The following ADGRV1 variants were observed in gnomAD, a reference collection of about 807,000 sequenced individuals.
The protein encoded by ADGRV1 is adhesion G protein-coupled receptor V1.
ADGRV1 carries 359 observed loss-of-function variants against 596.2 expected under a neutral mutation model. The observed-to-expected ratio is 0.60, with a 90% CI of 0.55 to 0.66. The LOEUF is 0.66. Ranked by LOEUF, ADGRV1 falls within the 30% of genes least tolerant of loss-of-function variation. The pLI is 0.00. For synonymous variants in ADGRV1, 2,681 were observed against 2,679.2 expected (o/e 1.00, Z -0.02); for missense variants, 7,274 against 7,575.6 (o/e 0.96, Z 1.48).
In ADGRV1 at chr5:90,653,531, G is replaced by A. The variant is rs749065991; in HGVS notation, c.3957G>A (p.Arg1319=). The change falls in exon 20 of 90, where the codon CGG becomes CGA. Residue 1319 remains arginine (R), a synonymous_variant. Coordinates refer to ENST00000405460, the MANE Select transcript of ADGRV1 (RefSeq NM_032119.4). ...CCGTGCATTTACAACAGCACATGCGGCGTCACCACAGTGGAACGGATGCTT... is the reference window on the plus strand; with the variant it reads ...CCGTGCATTTACAACAGCACATGCGACGTCACCACAGTGGAACGGATGCTT... ...PTTVHLQQHM[R]RHHSGTDALY... 1.9e-6 allele frequency: 3 copies of A among 1,613,924 alleles called. No individual in the cohort carries two copies. Among genetic ancestry groups the A allele is most frequent in the Non-Finnish European group, 2.5e-6 (3 of 1,179,862 alleles).
Position 90,705,450 on chromosome 5 carries a change from G to T in ADGRV1, c.8437G>T (p.Val2813Phe), listed in dbSNP as rs781528489. Residue 2813 changes from valine (V) to phenylalanine (F), a missense_variant, in exon 37 of 90, where the codon GTC (valine) becomes TTC (phenylalanine). Physicochemically the swap from Val to Phe is conservative, Grantham distance 50. This residue lies in a region of ADGRV1 where 3,643 missense variants were observed against 3,809.2 expected (regional missense o/e 0.96). Coordinates refer to ENST00000405460, the MANE Select transcript of ADGRV1 (RefSeq NM_032119.4). ...ALLDAQGYAA[V>F]LTVEASDEPH... is the part of the protein sequence containing the mutation. ...GCTTGATGCTCAAGGATATGCAGCT[G>T]TCCTCACAGTAGAAGCCAGTGATGA... is the stretch of plus-strand genomic sequence containing the variant. The T allele has an allele frequency of 1.5e-5, 25 of 1,613,814 alleles. No homozygotes were observed. The highest frequency in any genetic ancestry group is 2.1e-5 in the Non-Finnish European group (25 of 1,179,844).
intron 83 of ADGRV1, among the ~76,000 whole-genome samples, chr5:90,897,179 G>A (rs1581448193): frequency 6.6e-6 from 1 of 152,174 alleles, no homozygotes; most frequent in African/African-American, 2.4e-5. Flanking sequence ...ACAAAGTTTA[G>A]CACATTGAAT....
At chr5:90,595,881 G>A (rs1183793464) in intron 1 of ADGRV1, among the ~76,000 whole-genome samples, 3 of 150,156 alleles carry the variant, frequency 2.0e-5, no homozygotes, top group East Asian at 2.0e-4. Context: ...CTGGCCTGGC[G>A]GGGGGCTGAC....
At chr5:90,671,991 A>G (rs180834576) in intron 21 of ADGRV1, among the ~76,000 whole-genome samples, 199 of 152,296 alleles carry the variant, frequency 1.3e-3, no homozygotes, top group African/African-American at 4.3e-3. Context: ...CACACTAGGC[A>G]TCTCTCAAGG....
chr5:90,750,716 T>C lies in ADGRV1; in HGVS notation c.11121+19T>C. 1 of 1,596,396 alleles carries C rather than the reference T, an allele frequency of 6.3e-7. No individual in the cohort carries two copies. The highest frequency in any genetic ancestry group is 1.1e-5 in the South Asian group (1 of 90,068). ...AGGAGTGGTATGTAATTTACAAAGTTATAGGAAACACTTTTAAATTATGGT... is the reference window on the plus strand; with the variant it reads ...AGGAGTGGTATGTAATTTACAAAGTCATAGGAAACACTTTTAAATTATGGT... On this transcript the variant is annotated intron_variant, in intron 53 of 89. Coordinates refer to ENST00000405460, the MANE Select transcript of ADGRV1 (RefSeq NM_032119.4).
At chr5:90,849,916 A>G (rs1766312114) in intron 79 of ADGRV1, among the ~76,000 whole-genome samples, 1 of 152,236 alleles carries the variant, frequency 6.6e-6, no homozygotes, top group Non-Finnish European at 1.5e-5. Flanking sequence ...AATCCTTGCT[A>G]AAAGTTGTAC....
rs569603883 is a variant in ADGRV1, at chr5:90,668,465, C to A, written c.4753-4081C>A. 4.0e-3 allele frequency among the ~76,000 whole-genome samples: 602 copies of A among 152,156 alleles called. 5 individuals carry two copies. Among genetic ancestry groups the A allele is most frequent in the African/African-American group, 0.013 (544 of 41,472 alleles). Reference sequence around the variant, plus strand: ...AGTGAGGCAATGCCTCACCCTGCTTCGGCTCCCGCATGGTGCGCGCACCCA... The same window carrying A: ...AGTGAGGCAATGCCTCACCCTGCTTAGGCTCCCGCATGGTGCGCGCACCCA... On this transcript the variant is annotated intron_variant, in intron 21 of 89. Transcript: ENST00000405460.
intron 83 of ADGRV1, among the ~76,000 whole-genome samples, chr5:90,910,288 A>G (rs1191537821): frequency 6.6e-6 from 1 of 152,232 alleles, no homozygotes; most frequent in Non-Finnish European, 1.5e-5. Context: ...GTGGTATTTT[A>G]ATCAGATATA....
intron 20 of ADGRV1, chr5:90,655,474 C>G (rs188873225): frequency 1.3e-5 from 2 of 152,192 alleles, no homozygotes; most frequent in East Asian, 3.9e-4. Flanking sequence ...TCTGTTCTGC[C>G]TACTACATAT....
chr5:90,831,292 C>G (rs1764504252), intron 77 of ADGRV1, among the ~76,000 whole-genome samples: 1 of 151,838 alleles, frequency 6.6e-6, no homozygotes, highest in Admixed American at 6.6e-5. Context: ...CACACACACA[C>G]ACACACAAAA....
chr5:90,563,848 AT>A (rs1311361523), intron 1 of ADGRV1, among the ~76,000 whole-genome samples: 1 of 152,208 alleles, frequency 6.6e-6, no homozygotes, highest in Non-Finnish European at 1.5e-5. Context: ...AATTTTGACA[AT>A]TAGGTAGTAT....
intron 83 of ADGRV1, among the ~76,000 whole-genome samples, chr5:90,891,981 A>C (rs890421020): frequency 1.3e-5 from 2 of 152,006 alleles, no homozygotes. Flanking sequence ...AGTTCAGAGT[A>C]GAAAATGCAC....
At chr5:90,569,576 G>T (rs569244090) in intron 1 of ADGRV1, among the ~76,000 whole-genome samples, 4 of 150,342 alleles carry the variant, frequency 2.7e-5, no homozygotes, top group Admixed American at 2.6e-4. Flanking sequence ...GATAAGGTAG[G>T]ATTGATGTCT....
chr5:90,763,218 A>G (rs879521211), intron 58 of ADGRV1, 87 bp from the exon 59 acceptor site: 5 of 1,144,004 alleles, frequency 4.4e-6, no homozygotes, highest in Non-Finnish European at 5.8e-6. Flanking sequence ...AACTGCAGTC[A>G]TTGTAAACAG....
intron 84 of ADGRV1, among the ~76,000 whole-genome samples, chr5:90,966,634 C>T (rs1778499505): frequency 1.3e-5 from 2 of 151,478 alleles, no homozygotes; most frequent in Non-Finnish European, 1.5e-5. Context: ...GATTACTTGG[C>T]GAGAAGGTAC....
At chr5:90,665,984 T>C (rs2149509642) in intron 21 of ADGRV1, among the ~76,000 whole-genome samples, 1 of 151,176 alleles carries the variant, frequency 6.6e-6, no homozygotes, top group South Asian at 2.1e-4. Flanking sequence ...AGAGATAGTT[T>C]GTTATAATCT....
At chr5:91,124,968 A>T (rs1051031685) in intron 87 of ADGRV1, among the ~76,000 whole-genome samples, 1 of 152,198 alleles carries the variant, frequency 6.6e-6, no homozygotes, top group Non-Finnish European at 1.5e-5. Context: ...TATAAGACAG[A>T]GGAGAAGGGA....
At chr5:90,953,083 C>T (rs973238114) in intron 83 of ADGRV1, among the ~76,000 whole-genome samples, 7 of 152,052 alleles carry the variant, frequency 4.6e-5, no homozygotes, top group Non-Finnish European at 7.4e-5. Flanking sequence ...TTTTGAAAGC[C>T]ATGTGAAAAA....
intron 83 of ADGRV1, among the ~76,000 whole-genome samples, chr5:90,951,926 A>C (rs1454842342): frequency 6.6e-6 from 1 of 152,186 alleles, no homozygotes; most frequent in African/African-American, 2.4e-5. Context: ...ATTTTTCCAG[A>C]CAATAGCTAA....
Sources: allele counts gnomAD v4.1 joint callset (sites outside exome capture counted in the v4.1 genomes callset), GRCh38; gene constraint gnomAD v4.1.1; regional missense constraint gnomAD v4.1.1; transcripts MANE v1.5; gene names NCBI Gene and HGNC (gene_info 2026-07-23, HGNC 2026-07-21).